The following ERAP2 variants were observed in gnomAD, a reference collection of about 807,000 sequenced individuals.
ERAP2 encodes endoplasmic reticulum aminopeptidase 2, also known as leukocyte-derived arginine aminopeptidase.
In ERAP2, 118 loss-of-function variants were observed where a neutral mutation model predicts 111.1. The observed-to-expected ratio is 1.06, with a 90% CI of 0.92 to 1.24. The LOEUF (loss-of-function observed/expected upper bound fraction) is 1.24. ERAP2 is among the 50% of genes most tolerant of loss of function. The probability of loss-of-function intolerance (pLI) is 0.00; values close to 1 mark genes in which losing one functional copy is unlikely to be tolerated. For missense variants in ERAP2, 1,131 were observed against 1,125.8 expected (o/e 1.00, Z -0.07); for synonymous variants, 410 against 401.2 (o/e 1.02, Z -0.26).
In ERAP2 at chr5:96,880,443, T is replaced by A. The variant is rs891154381; in HGVS notation, c.575+183T>A. ...CACAGTAGAGATGTAAAGACAGGAC[T>A]CAGAGGCATAAACAGCTAGAGGGTG... On this transcript the variant is annotated intron_variant, in intron 2 of 18. Transcript: ENST00000437043. Among the ~76,000 whole-genome samples the A allele has an allele frequency of 3.6e-4, 55 of 152,180 alleles. 2 individuals are homozygous for A. Among genetic ancestry groups the A allele is most frequent in the Admixed American group, 3.5e-3 (54 of 15,280 alleles).
At chr5:96,886,481 C>CAA (rs536495759) in intron 3 of ERAP2, among the ~76,000 whole-genome samples, 174 bp from the exon 4 acceptor site, 248 of 151,708 alleles carry the variant, frequency 1.6e-3, no homozygotes, top group African/African-American at 5.9e-3. Flanking sequence ...GGGGTAAAAG[C>CAA]AATGGAGGTA....
chr5:96,892,468 T>C lies in ERAP2; in HGVS notation c.1125+15T>C. ...TGGCGCACCAGGTACTTGGCACTCATGACATTATCTCGATATCAGTTCAAA... is the reference window on the plus strand; with the variant it reads ...TGGCGCACCAGGTACTTGGCACTCACGACATTATCTCGATATCAGTTCAAA... On this transcript the variant is annotated intron_variant, in intron 6 of 18. Coordinates refer to ENST00000437043, the MANE Select transcript of ERAP2 (RefSeq NM_022350.5). 1.2e-6 allele frequency: 2 copies of C among 1,613,476 alleles called. No homozygotes were observed. The highest frequency in any genetic ancestry group is 1.1e-5 in the South Asian group (1 of 91,074).
At chr5:96,877,242 T>C (rs1028997740) in intron 1 of ERAP2, among the ~76,000 whole-genome samples, 3 of 152,244 alleles carry the variant, frequency 2.0e-5, no homozygotes, top group Non-Finnish European at 2.9e-5. Flanking sequence ...CCCAAAATGC[T>C]GGCATTACAG....
chr5:96,886,500 T>TACAGAATACTAGGAGAGGCC (rs1348586945), intron 3 of ERAP2, among the ~76,000 whole-genome samples, 155 bp from the exon 4 acceptor site: 18 of 152,206 alleles, frequency 1.2e-4, no homozygotes, highest in Non-Finnish European at 2.4e-4. Flanking sequence ...TAAGAGAGGC[T>TACAGAATACTAGGAGAGGCC]ACAGAATACT....
rs532446260 is a variant in ERAP2, at chr5:96,883,979, C to T, written c.714+49C>T. ...TAGAAATTGTTCTCAAGTTGAGACT[C>T]AGTCTTCGTTTGTTTTTTAAAATTG... On this transcript the variant is annotated intron_variant, in intron 3 of 18. Coordinates refer to ENST00000437043, the MANE Select transcript of ERAP2 (RefSeq NM_022350.5). The T allele has an allele frequency of 6.6e-6, 10 of 1,521,288 alleles. No individual in the cohort carries two copies. In the African/African-American group the frequency reaches 7.1e-5, roughly 11 times the overall value. 94.2% of individuals were successfully genotyped at this position (1,521,288 alleles called of 1,614,324 possible). A position where few individuals can be genotyped will look rare whatever the true frequency, so the allele number is the denominator to read the frequency against.
At chr5:96,883,743 C>T (rs1415707181) in intron 2 of ERAP2, 49 bp from the exon 3 acceptor site, 1 of 1,565,036 alleles carries the variant, frequency 6.4e-7, no homozygotes, top group South Asian at 1.2e-5. Flanking sequence ...ATTCATTTCT[C>T]TTCTTGATTT....
In ERAP2 at chr5:96,879,599, C is replaced by T. The variant is rs192037311; in HGVS notation, c.-87C>T. On this transcript the variant is annotated 5_prime_UTR_variant, in exon 2 of 19. Coordinates refer to ENST00000437043, the MANE Select transcript of ERAP2 (RefSeq NM_022350.5). ...TGTATTGAAAATATTGTTCAGACCC[C>T]ATGTGACATAACTGGAGCCAGTGCA... 2,636 of 1,002,172 alleles carry T rather than the reference C, an allele frequency of 2.6e-3. 8 individuals are homozygous for T. The highest frequency in any genetic ancestry group is 3.2e-3 in the Non-Finnish European group (2,089 of 653,014). The allele number at this position is 1,002,172 out of a possible 1,614,324, so 62.1% of individuals were successfully genotyped here. A position where few individuals can be genotyped will look rare whatever the true frequency, so the allele number is the denominator to read the frequency against.
At chr5:96,893,992 T>A (rs1390608468) in intron 6 of ERAP2, among the ~76,000 whole-genome samples, 1 of 152,214 alleles carries the variant, frequency 6.6e-6, no homozygotes, top group African/African-American at 2.4e-5. Flanking sequence ...AACACTGTCC[T>A]GGCAAAACTG....
intron 17 of ERAP2, among the ~76,000 whole-genome samples, 183 bp downstream of exon 17, chr5:96,913,640 A>G (rs1330068009): frequency 6.6e-6 from 1 of 152,230 alleles, no homozygotes; most frequent in Non-Finnish European, 1.5e-5. Context: ...AGGGAGAGAC[A>G]TGAGAATAAG....
intron 13 of ERAP2, among the ~76,000 whole-genome samples, chr5:96,908,570 G>C (rs1007750625): frequency 6.6e-6 from 1 of 152,194 alleles, no homozygotes; most frequent in Admixed American, 6.5e-5. Context: ...GAAGCAATTA[G>C]AGAATGAAAT....
chr5:96,883,287 C>T (rs572049927), intron 2 of ERAP2, among the ~76,000 whole-genome samples: 1 of 152,296 alleles, frequency 6.6e-6, no homozygotes, highest in East Asian at 1.9e-4. Context: ...TTCCCTCACT[C>T]CCTTACCTGT....
Position 96,879,616 on chromosome 5 carries a change from G to C in ERAP2, c.-70G>C. The C allele has an allele frequency of 7.9e-7, 1 of 1,263,796 alleles. No individual in the cohort carries two copies. The highest frequency in any genetic ancestry group is 1.1e-6 in the Non-Finnish European group (1 of 878,390). 78.3% of individuals were successfully genotyped at this position (1,263,796 alleles called of 1,614,324 possible). On this transcript the variant is annotated 5_prime_UTR_variant, in exon 2 of 19. Coordinates refer to ENST00000437043, the MANE Select transcript of ERAP2 (RefSeq NM_022350.5). Reference sequence around the variant, plus strand: ...TCAGACCCCATGTGACATAACTGGAGCCAGTGCAGTGCCATGAAGAACTAC... The same window carrying C: ...TCAGACCCCATGTGACATAACTGGACCCAGTGCAGTGCCATGAAGAACTAC...
intron 15 of ERAP2, 139 bp downstream of exon 15, chr5:96,909,903 G>T (rs995944442): frequency 5.1e-6 from 4 of 782,096 alleles, no homozygotes; most frequent in Non-Finnish European, 8.1e-6. Flanking sequence ...CCTGTTTCAT[G>T]CTCTCACATT....
intron 1 of ERAP2, among the ~76,000 whole-genome samples, chr5:96,877,731 A>T (rs1434004313): frequency 1.3e-5 from 2 of 151,740 alleles, no homozygotes; most frequent in African/African-American, 4.8e-5. Context: ...AAGCCACTCC[A>T]TTTTTTTTAA....
Position 96,902,312 on chromosome 5 carries a change from C to T in ERAP2, c.1787C>T (p.Ser596Phe), listed in dbSNP as rs1179487942. The change falls in exon 12 of 19, where the codon TCT (serine) becomes TTT (phenylalanine). Residue 596 changes from serine (S) to phenylalanine (F), a missense_variant. This residue lies in a region of ERAP2 where 847 missense variants were observed against 856.5 expected (regional missense o/e 0.99). Coordinates refer to ENST00000437043, the MANE Select transcript of ERAP2 (RefSeq NM_022350.5). ...ATCCCATTGACCTACTCCACGAGTT[C>T]TTCTAATGTGATCCACAGACACATT... Reference protein sequence around the residue: ...WHIPLTYSTSSSNVIHRHILK... With the variant: ...WHIPLTYSTSFSNVIHRHILK... 1 of 1,612,494 alleles carries T rather than the reference C, an allele frequency of 6.2e-7. No homozygotes were observed. Among genetic ancestry groups the T allele is most frequent in the Non-Finnish European group, 8.5e-7 (1 of 1,178,700 alleles).
chr5:96,901,627 G>A lies in ERAP2; in HGVS notation c.1694G>A (p.Arg565His), dbSNP rs759277242. ...TGTTCACTCCGACTGCAACAGGAGC[G>A]CTTCCTCCAGGGGGTTTTCCAGGAA... ...DGCSLRLQQERFLQGVFQEDP... is the reference protein window; with the variant it reads ...DGCSLRLQQEHFLQGVFQEDP... Residue 565 changes from arginine (R) to histidine (H), a missense_variant, in exon 11 of 19, where the codon CGC becomes CAC. Physicochemically the swap from Arg to His is conservative, Grantham distance 29 (BLOSUM62 0). This residue lies in a region of ERAP2 where 847 missense variants were observed against 856.5 expected (regional missense o/e 0.99). Coordinates refer to ENST00000437043, the MANE Select transcript of ERAP2 (RefSeq NM_022350.5). 2.1e-5 allele frequency: 34 copies of A among 1,613,972 alleles called. No homozygotes were observed. The highest frequency in any genetic ancestry group is 2.8e-5 in the Non-Finnish European group (33 of 1,179,970).
intron 14 of ERAP2, 57 bp from the exon 15 acceptor site, chr5:96,909,523 G>A (rs1786473167): frequency 1.4e-6 from 2 of 1,406,234 alleles, no homozygotes; most frequent in Admixed American, 3.4e-5. Context: ...AGATGGGCAA[G>A]AACTGTGTTA....
At chr5:96,896,610 C>A in intron 8 of ERAP2, 106 bp downstream of exon 8, 1 of 1,468,560 alleles carries the variant, frequency 6.8e-7, no homozygotes, top group Non-Finnish European at 9.1e-7. Flanking sequence ...ACTTGTTTCA[C>A]TTTTTATTTG....
At chr5:96,906,250 C>T (rs1312669358) in intron 13 of ERAP2, among the ~76,000 whole-genome samples, 2 of 151,648 alleles carry the variant, frequency 1.3e-5, no homozygotes, top group Non-Finnish European at 2.9e-5. Flanking sequence ...TCTTCCTCTT[C>T]TACTTCTTCC....
Sources: gnomAD v4.1 joint callset for allele counts (sites outside exome capture counted in the v4.1 genomes callset) on GRCh38, gnomAD v4.1.1 for gene constraint, gnomAD v4.1.1 regional missense constraint, MANE v1.5 for transcripts, NCBI Gene and HGNC (gene_info 2026-07-23, HGNC 2026-07-21) for gene names.